CELSR1: variants seen among roughly 807,000 people sequenced by gnomAD.
CELSR1 encodes cadherin EGF LAG seven-pass G-type receptor 1, also known as adhesion G protein-coupled receptor C1.
In CELSR1, 110 loss-of-function variants were observed where a neutral mutation model predicts 249.1. The ratio of observed to expected loss-of-function variants is 0.44; its 90% CI spans 0.38 to 0.52. The LOEUF is 0.52. Ranked by LOEUF, CELSR1 falls within the 20% of genes least tolerant of loss-of-function variation. The pLI is 0.00. For synonymous variants in CELSR1, 2,113 were observed against 1,900.0 expected (o/e 1.11, Z -2.92); for missense variants, 4,109 against 4,296.4 (o/e 0.96, Z 1.22).
chr22:46,415,056 T>A (rs1003866643), intron 5 of CELSR1, among the ~76,000 whole-genome samples: 1 of 152,146 alleles, frequency 6.6e-6, no homozygotes, highest in African/African-American at 2.4e-5. Context: ...TCCTACACAA[T>A]GTCCAGGACA....
At chr22:46,465,134 G>T (rs931545171) in intron 1 of CELSR1, among the ~76,000 whole-genome samples, 1 of 152,132 alleles carries the variant, frequency 6.6e-6, no homozygotes, top group Non-Finnish European at 1.5e-5. Flanking sequence ...AGACGTTCAG[G>T]GGGTGGGTCA....
chr22:46,504,986 GGT>G (rs2080501040), intron 1 of CELSR1, among the ~76,000 whole-genome samples: 1 of 152,224 alleles, frequency 6.6e-6, no homozygotes, highest in Non-Finnish European at 1.5e-5. Flanking sequence ...GGAAAGGCCG[GGT>G]GCGGCGGCTC....
Position 46,399,237 on chromosome 22 carries a change from T to C in CELSR1, c.5412+480A>G, listed in dbSNP as rs2079184746. Among the ~76,000 whole-genome samples the C allele has an allele frequency of 6.6e-6, 1 of 152,194 alleles. No individual in the cohort carries two copies. Among genetic ancestry groups the C allele is most frequent in the African/African-American group, 2.4e-5 (1 of 41,436 alleles). On this transcript the variant is annotated intron_variant, in intron 10 of 34. Coordinates refer to ENST00000674500, the MANE Select transcript of CELSR1 (RefSeq NM_001378328.1). This position sits in a 1 kb window ranked among gnomAD's most constrained non-coding sequence, Gnocchi z 5.0. ...TTGGTTAAGTGTTCCGAACATTGTC[T>C]GGGATACCACCACCTGCCTGCCTGG...
Position 46,477,922 on chromosome 22 carries a change from G to A in CELSR1, c.3545-13577C>T, listed in dbSNP as rs139645768. On this transcript the variant is annotated intron_variant, in intron 1 of 34. Coordinates refer to ENST00000674500, the MANE Select transcript of CELSR1 (RefSeq NM_001378328.1). ...GGGGCTGGGTAACTCTCTGTGGGGT[G>A]CCAGCCCCCGGGAGGATGCTGGGCA... 1.2e-3 allele frequency among the ~76,000 whole-genome samples: 186 copies of A among 152,276 alleles called. 1 individual carries two copies. The highest frequency in any genetic ancestry group is 4.3e-3 in the African/African-American group (180 of 41,558).
intron 1 of CELSR1, among the ~76,000 whole-genome samples, chr22:46,505,585 G>C (rs565194936): frequency 3.1e-4 from 47 of 152,246 alleles, no homozygotes; most frequent in African/African-American, 1.1e-3. Flanking sequence ...CCACTGCAGT[G>C]AGTTGAGATC....
rs2079752044 is a variant in CELSR1 at position 46,441,728 on chromosome 22, A to C, written c.4184-2317T>G. Among the ~76,000 whole-genome samples, 1 of 152,026 alleles carries C rather than the reference A, an allele frequency of 6.6e-6. No individual in the cohort carries two copies. The highest frequency in any genetic ancestry group is 2.4e-5 in the African/African-American group (1 of 41,382). ...CTCATCTAAACCTAATCACCTCCTA[A>C]AGCACCCATCCTGGGGCATAGGGCT... is the stretch of plus-strand genomic sequence containing the variant. On this transcript the variant is annotated intron_variant, in intron 2 of 34. Coordinates refer to ENST00000674500, the MANE Select transcript of CELSR1 (RefSeq NM_001378328.1). This position sits in a 1 kb window ranked among gnomAD's most constrained non-coding sequence, Gnocchi z 6.1.
At position 46,365,315 on chromosome 22, in the gene CELSR1, G is replaced by A; in HGVS notation, c.8470C>T (p.His2824Tyr). 5.0e-6 allele frequency: 8 copies of A among 1,613,004 alleles called. No individual in the cohort carries two copies. The highest frequency in any genetic ancestry group is 6.8e-6 in the Non-Finnish European group (8 of 1,179,970). Residue 2824 changes from histidine (H) to tyrosine (Y), a missense_variant, in exon 32 of 35, where the codon CAC becomes TAC. By Grantham distance (83) the His-to-Tyr change is moderately conservative (BLOSUM62 2). This residue lies in a region of CELSR1 where 1,805 missense variants were observed against 1,831.6 expected (regional missense o/e 0.99). Transcript: ENST00000674500. ...CCATCGTCCTCGCTGTCTGACGAGT[G>A]TGAGGAGGCGTAAGAGCTGCTCTGC... is the stretch of plus-strand genomic sequence containing the variant. Reference protein sequence around the residue: ...DEQSSSYASSHSSDSEDDGVG... With the variant: ...DEQSSSYASSYSSDSEDDGVG...
In CELSR1 at chr22:46,390,441, G is replaced by A. The variant is rs780135011; in HGVS notation, c.6296C>T (p.Pro2099Leu). Residue 2099 changes from proline to leucine, a missense_variant, in exon 17 of 35, where the codon CCA (proline) becomes CTA (leucine). Physicochemically the swap from Pro to Leu is moderately conservative, Grantham distance 98. Around this residue, in one of 7 missense-constraint regions of CELSR1, gnomAD observed 1,805 missense variants for 1,831.6 expected, o/e 0.99. Coordinates refer to ENST00000674500, the MANE Select transcript of CELSR1 (RefSeq NM_001378328.1). The surrounding 1 kb of genome is among the most constrained non-coding windows in gnomAD (Gnocchi z 6.3). ...HCSGEKGWLP[P>L]ELFNCTTISF... is the part of the protein sequence containing the mutation. ...GATGGTGGTACAGTTAAAGAGCTCTGGGGGCAGCCAGCCCTTCTCCCCGCT... is the reference window on the plus strand; with the variant it reads ...GATGGTGGTACAGTTAAAGAGCTCTAGGGGCAGCCAGCCCTTCTCCCCGCT... The A allele has an allele frequency of 1.9e-6, 3 of 1,613,814 alleles. No individual in the cohort carries two copies. The highest frequency in any genetic ancestry group is 2.7e-5 in the African/African-American group (2 of 74,936).
At position 46,535,397 on chromosome 22, in the gene CELSR1, C is replaced by A. The variant is rs757265913; in HGVS notation, c.1774G>T (p.Ala592Ser). The A allele has an allele frequency of 6.2e-7, 1 of 1,609,764 alleles. No individual in the cohort carries two copies. Among genetic ancestry groups the A allele is most frequent in the Admixed American group, 1.7e-5 (1 of 59,876 alleles). Residue 592 changes from alanine to serine, a missense_variant, in exon 1 of 35, where the codon GCG (alanine) becomes TCG (serine). By Grantham distance (99) the Ala-to-Ser change is moderately conservative. Transcript: ENST00000674500. ...YPVVHIQAVD[A>S]DSGENARLHY... ...AGCCGGGCGTTCTCTCCAGAGTCCG[C>A]GTCCACCGCCTGAATGTGCACCACG...
At chr22:46,513,108 C>T (rs1569211709) in intron 1 of CELSR1, among the ~76,000 whole-genome samples, 1 of 152,198 alleles carries the variant, frequency 6.6e-6, no homozygotes, top group African/African-American at 2.4e-5. Flanking sequence ...AAACCCGCGA[C>T]CACCATCACG....
chr22:46,444,003 C>T (rs993714513), intron 2 of CELSR1, among the ~76,000 whole-genome samples: 4 of 152,232 alleles, frequency 2.6e-5, no homozygotes, highest in African/African-American at 7.2e-5. Flanking sequence ...ACCTCGACGG[C>T]AAACAAAGGG....
intron 2 of CELSR1, among the ~76,000 whole-genome samples, chr22:46,458,321 A>T (rs2079980816): frequency 6.6e-6 from 1 of 152,126 alleles, no homozygotes; most frequent in African/African-American, 2.4e-5. Context: ...GAAGGCCTGA[A>T]CACTGATGTG....
chr22:46,504,876 T>C (rs1396914139), intron 1 of CELSR1, among the ~76,000 whole-genome samples: 1 of 152,142 alleles, frequency 6.6e-6, no homozygotes, highest in Non-Finnish European at 1.5e-5. Flanking sequence ...TGAAATGTTA[T>C]ATGAAAAAGA....
intron 1 of CELSR1, among the ~76,000 whole-genome samples, chr22:46,499,306 C>G (rs1302547959): frequency 6.6e-6 from 1 of 151,724 alleles, no homozygotes; most frequent in Non-Finnish European, 1.5e-5. Context: ...TGGCAGACCA[C>G]AAGAAATACA....
At chr22:46,485,294 T>C (rs969095982) in intron 1 of CELSR1, among the ~76,000 whole-genome samples, 6 of 152,130 alleles carry the variant, frequency 3.9e-5, no homozygotes, top group African/African-American at 1.2e-4. Context: ...TCACCTCACA[T>C]TGGGTTCTGC....
Position 46,409,157 on chromosome 22 carries a change from G to C in CELSR1, c.5065C>G (p.Pro1689Ala), listed in dbSNP as rs752977520. Residue 1689 changes from proline to alanine, a missense_variant, in exon 9 of 35, where the codon CCT (proline) becomes GCT (alanine). Around this residue, in one of 7 missense-constraint regions of CELSR1, gnomAD observed 453 missense variants for 492.0 expected, o/e 0.92. Coordinates refer to ENST00000674500, the MANE Select transcript of CELSR1 (RefSeq NM_001378328.1). The surrounding 1 kb of genome is among the most constrained non-coding windows in gnomAD (Gnocchi z 9.8). ...FGGKNCEQAMPHPQLFSGESV... is the reference protein window; with the variant it reads ...FGGKNCEQAMAHPQLFSGESV... ...TCACCGCTGAAGAGCTGGGGGTGAG[G>C]CATGGCTGCGGACACAGGCCCAGGG... 6.2e-7 allele frequency: 1 copy of C among 1,612,782 alleles called. No homozygotes were observed. Among genetic ancestry groups the C allele is most frequent in the Non-Finnish European group, 8.5e-7 (1 of 1,179,556 alleles).
At chr22:46,531,649 C>T (rs933892206) in intron 1 of CELSR1, among the ~76,000 whole-genome samples, 1 of 152,220 alleles carries the variant, frequency 6.6e-6, no homozygotes, top group Non-Finnish European at 1.5e-5. Context: ...CGAGTGCCCC[C>T]CACTGGCTGT....
chr22:46,522,762 G>T (rs2080698640), intron 1 of CELSR1, among the ~76,000 whole-genome samples: 1 of 152,212 alleles, frequency 6.6e-6, no homozygotes, highest in African/African-American at 2.4e-5. Context: ...CAGCAGGGAA[G>T]GGGCCCCAGG....
rs1172965370 is a variant in CELSR1, at chr22:46,446,984, C to T, written c.4184-7573G>A. On this transcript the variant is annotated intron_variant, in intron 2 of 34. Transcript: ENST00000674500. The surrounding 1 kb of genome is among the most constrained non-coding windows in gnomAD (Gnocchi z 5.5). ...GGTGGTTAAGCACTTGCAGCACAGC[C>T]CTGCACAGAAGATAAAGTTAAGCAA... is the stretch of plus-strand genomic sequence containing the variant. 6.6e-6 allele frequency among the ~76,000 whole-genome samples: 1 copy of T among 151,986 alleles called. No individual in the cohort carries two copies. Among genetic ancestry groups the T allele is most frequent in the Admixed American group, 6.6e-5 (1 of 15,244 alleles).
Sources: allele counts gnomAD v4.1 joint callset (sites outside exome capture counted in the v4.1 genomes callset), GRCh38; gene constraint gnomAD v4.1.1; regional missense constraint gnomAD v4.1.1; non-coding constraint Gnocchi (gnomAD v3.1); transcripts MANE v1.5; gene names NCBI Gene and HGNC (gene_info 2026-07-23, HGNC 2026-07-21).